The following MPRIP variants were observed in gnomAD, a reference collection of about 807,000 sequenced individuals.
The protein encoded by MPRIP is myosin phosphatase Rho interacting protein, also known as myosin phosphatase Rho-interacting protein.
Under a neutral mutation model 234.9 loss-of-function variants are expected in MPRIP, and 59 were observed. The ratio of observed to expected loss-of-function variants is 0.25; its 90% CI spans 0.20 to 0.31. The LOEUF (loss-of-function observed/expected upper bound fraction) is 0.31. MPRIP is among the 10% of genes least tolerant of loss of function. The pLI is 1.00. For missense variants in MPRIP, 2,436 were observed against 3,071.0 expected, an observed-to-expected ratio of 0.79 and a Z score of 4.89; for synonymous variants, 1,144 against 1,263.9, an observed-to-expected ratio of 0.91 and a Z score of 2.01.
At position 17,142,660 on chromosome 17, in the gene MPRIP, G is replaced by C; in HGVS notation, c.1284G>C (p.Leu428Phe). The change falls in exon 8 of 24, where the codon TTG (leucine) becomes TTC (phenylalanine). Residue 428 changes from leucine (L) to phenylalanine (F), a missense_variant. Leu to Phe is a conservative substitution (Grantham distance 22). This residue lies in a region of MPRIP where 267 missense variants were observed against 252.7 expected (regional missense o/e 1.06). Coordinates refer to ENST00000651222, the MANE Select transcript of MPRIP (RefSeq NM_001364716.4). ...AGGTGATTGAAAAGTTTGAGGCCTTGGACATTGAGAAGGCAGAGCACATGG... is the reference window on the plus strand; with the variant it reads ...AGGTGATTGAAAAGTTTGAGGCCTTCGACATTGAGAAGGCAGAGCACATGG... ...RSQVIEKFEA[L>F]DIEKAEHMET... The C allele has an allele frequency of 8.1e-6, 13 of 1,611,972 alleles. No individual in the cohort carries two copies. The highest frequency in any genetic ancestry group is 1.1e-5 in the Non-Finnish European group (13 of 1,179,984).
At chr17:17,071,160 C>T (rs2089183933) in intron 1 of MPRIP, among the ~76,000 whole-genome samples, 1 of 152,216 alleles carries the variant, frequency 6.6e-6, no homozygotes, top group African/African-American at 2.4e-5. Context: ...TGTGGGGCAC[C>T]TCACAAGGGT....
At chr17:17,091,981 C>G (rs975444008) in intron 3 of MPRIP, among the ~76,000 whole-genome samples, 1 of 152,234 alleles carries the variant, frequency 6.6e-6, no homozygotes, top group Non-Finnish European at 1.5e-5. Flanking sequence ...GACTTGTGCT[C>G]TTTTTGGGTG....
chr17:17,108,646 C>A (rs1476275968), intron 3 of MPRIP, among the ~76,000 whole-genome samples: 1 of 152,088 alleles, frequency 6.6e-6, no homozygotes, highest in African/African-American at 2.4e-5. Flanking sequence ...CTAGAGAGGT[C>A]TGGGCCCCCT....
chr17:17,080,166 C>T (rs760415886), intron 3 of MPRIP, among the ~76,000 whole-genome samples: 5 of 152,298 alleles, frequency 3.3e-5, no homozygotes, highest in African/African-American at 7.2e-5. Flanking sequence ...TTTGCCCAGC[C>T]GAGGCTGTGG....
At chr17:17,080,629 G>T (rs1410861650) in intron 3 of MPRIP, among the ~76,000 whole-genome samples, 2 of 152,220 alleles carry the variant, frequency 1.3e-5, no homozygotes, top group South Asian at 2.1e-4. Context: ...GGAGGCCAGG[G>T]ATGCTACTGA....
chr17:17,066,944 A>G (rs1001592830), intron 1 of MPRIP, among the ~76,000 whole-genome samples: 6 of 151,162 alleles, frequency 4.0e-5, no homozygotes, highest in African/African-American at 1.5e-4. Flanking sequence ...TTTTTTTGGT[A>G]GAAACAGGGT....
rs2045947642 is a variant in MPRIP at position 17,164,832 on chromosome 17, C to G, written c.3241C>G (p.Gln1081Glu). 6.9e-6 allele frequency: 9 copies of G among 1,304,168 alleles called. No individual in the cohort carries two copies. The highest frequency in any genetic ancestry group is 9.1e-6 in the Non-Finnish European group (9 of 988,948). 80.8% of individuals were successfully genotyped at this position (1,304,168 alleles called of 1,614,324 possible). ...TTTCGAGGGCAGTGAGCAGGTGCAC[C>G]AGCTGGAGGAGCAGCTGGAGGCACG... is the stretch of plus-strand genomic sequence containing the variant. ...ATFEGSEQVHQLEEQLEAREA... is the reference protein window; with the variant it reads ...ATFEGSEQVHELEEQLEAREA... Residue 1081 changes from glutamine to glutamate, a missense_variant, in exon 16 of 24, where the codon CAG (glutamine) becomes GAG (glutamate). Transcript: ENST00000651222.
chr17:17,136,145 G>A (rs781346491), intron 5 of MPRIP, 74 bp from the exon 6 acceptor site: 6 of 1,557,718 alleles, frequency 3.9e-6, no homozygotes, highest in Non-Finnish European at 5.3e-6. Flanking sequence ...CTATAGCTAG[G>A]CAGCCAGGAC....
At chr17:17,153,089 C>A (rs140417171) in intron 12 of MPRIP, among the ~76,000 whole-genome samples, 198 of 152,276 alleles carry the variant, frequency 1.3e-3, no homozygotes, top group African/African-American at 4.6e-3. Flanking sequence ...AGGATGGACC[C>A]AGGAGAAGGT....
intron 12 of MPRIP, among the ~76,000 whole-genome samples, chr17:17,151,009 C>CTTATTATTATTA (rs57859773): frequency 0.037 from 5,422 of 145,294 alleles, 132 homozygotes; most frequent in South Asian, 0.071. Context: ...CCATGCCCAG[C>CTTATTATTATTA]TTATTATTAT....
At chr17:17,086,483 A>C (rs183713340) in intron 3 of MPRIP, among the ~76,000 whole-genome samples, 8 of 152,292 alleles carry the variant, frequency 5.3e-5, no homozygotes, top group Admixed American at 5.2e-4. Flanking sequence ...AGTGCGGTGG[A>C]GTCTGTGCGA....
intron 23 of MPRIP, among the ~76,000 whole-genome samples, chr17:17,180,416 A>G (rs2046348321): frequency 6.6e-6 from 1 of 152,212 alleles, no homozygotes; most frequent in African/African-American, 2.4e-5. Context: ...TTCCTTGCAC[A>G]TCACTGTTGT....
In MPRIP at chr17:17,136,423, C is replaced by T. The variant is rs752242578; in HGVS notation, c.709C>T (p.Arg237Trp). The T allele has an allele frequency of 8.7e-6, 14 of 1,610,044 alleles. No individual in the cohort carries two copies. Among genetic ancestry groups the T allele is most frequent in the Admixed American group, 5.0e-5 (3 of 59,534 alleles). The change falls in exon 6 of 24, where the codon CGG becomes TGG. Residue 237 changes from arginine (R) to tryptophan (W), a missense_variant. Physicochemically the swap from Arg to Trp is moderately radical, Grantham distance 101. Around this residue, in one of 4 missense-constraint regions of MPRIP, gnomAD observed 267 missense variants for 252.7 expected, o/e 1.06. Transcript: ENST00000651222. Reference protein sequence around the residue: ...QSQPPAASSLREPGLESKEEE... With the variant: ...QSQPPAASSLWEPGLESKEEE... Reference sequence around the variant, plus strand: ...CCAGCCTCCTGCTGCCAGCTCCCTGCGGGAACCTGGGCTAGAGAGCAAAGA... The same window carrying T: ...CCAGCCTCCTGCTGCCAGCTCCCTGTGGGAACCTGGGCTAGAGAGCAAAGA...
chr17:17,129,216 G>A (rs570703619), intron 4 of MPRIP, among the ~76,000 whole-genome samples: 14 of 152,222 alleles, frequency 9.2e-5, no homozygotes, highest in African/African-American at 3.4e-4. Context: ...GAGTTGGCAA[G>A]GGAGCTCTTC....
chr17:17,142,628 A>G lies in MPRIP; in HGVS notation c.1252A>G (p.Arg418Gly). 6.2e-7 allele frequency: 1 copy of G among 1,611,318 alleles called. No individual in the cohort carries two copies. Among genetic ancestry groups the G allele is most frequent in the Admixed American group, 1.7e-5 (1 of 59,984 alleles). Residue 418 changes from arginine to glycine, a missense_variant and splice_region_variant, in exon 8 of 24, where the codon AGG becomes GGG. This residue lies in a region of MPRIP where 267 missense variants were observed against 252.7 expected (regional missense o/e 1.06). Coordinates refer to ENST00000651222, the MANE Select transcript of MPRIP (RefSeq NM_001364716.4). ...VARLFGNERR[R>G]SQVIEKFEAL... is the part of the protein sequence containing the mutation. Reference sequence around the variant, plus strand: ...AGGGCCTCGTGTCCTCTCTTGCAGGAGGTCCCAGGTGATTGAAAAGTTTGA... The same window carrying G: ...AGGGCCTCGTGTCCTCTCTTGCAGGGGGTCCCAGGTGATTGAAAAGTTTGA...
chr17:17,099,106 C>T (rs549068239), intron 3 of MPRIP, among the ~76,000 whole-genome samples: 3 of 152,168 alleles, frequency 2.0e-5, no homozygotes, highest in Non-Finnish European at 4.4e-5. Context: ...TTCCCCTACT[C>T]AGAAACCCAA....
At chr17:17,073,244 G>A (rs756994132) in intron 1 of MPRIP, among the ~76,000 whole-genome samples, 1 of 152,146 alleles carries the variant, frequency 6.6e-6, no homozygotes, top group South Asian at 2.1e-4. Context: ...TGTCTGCGCC[G>A]CCCGCCCACC....
At chr17:17,089,404 C>G (rs988939487) in intron 3 of MPRIP, among the ~76,000 whole-genome samples, 2 of 152,214 alleles carry the variant, frequency 1.3e-5, no homozygotes, top group African/African-American at 4.8e-5. Context: ...ATCACATTTC[C>G]TTATCCTCTT....
chr17:17,132,295 G>A (rs532514532), intron 5 of MPRIP, among the ~76,000 whole-genome samples: 26 of 152,296 alleles, frequency 1.7e-4, no homozygotes, highest in Middle Eastern at 3.4e-3. Flanking sequence ...CACTCCCCAC[G>A]TTCCTGGGGC....
Sources: allele counts gnomAD v4.1 joint callset (sites outside exome capture counted in the v4.1 genomes callset), GRCh38; gene constraint gnomAD v4.1.1; regional missense constraint gnomAD v4.1.1; transcripts MANE v1.5; gene names NCBI Gene and HGNC (gene_info 2026-07-23, HGNC 2026-07-21).